ATF7IP: variants seen among roughly 807,000 people sequenced by gnomAD.
ATF7IP encodes activating transcription factor 7 interacting protein.
Under a neutral mutation model 106.4 loss-of-function variants are expected in ATF7IP, and 23 were observed. The observed-to-expected ratio is 0.22, with a 90% CI of 0.16 to 0.31. The LOEUF (loss-of-function observed/expected upper bound fraction) is 0.31. Among genes scored for constraint, ATF7IP ranks in the 10% least tolerant of loss-of-function variants. ATF7IP has a pLI of 1.00. For synonymous variants in ATF7IP, 542 were observed against 539.0 expected (o/e 1.01, Z -0.08); for missense variants, 1,334 against 1,524.3 (o/e 0.88, Z 2.08).
At chr12:14,423,461 A>C in intron 1 of ATF7IP, among the ~76,000 whole-genome samples, 1 of 150,976 alleles carries the variant, frequency 6.6e-6, no homozygotes, top group Non-Finnish European at 1.5e-5. Flanking sequence ...TGCAAATGTA[A>C]TCTTTCCTTA....
Position 14,460,607 on chromosome 12 carries a change from T to C in ATF7IP, c.2271T>C (p.Asn757=). The change falls in exon 9 of 15, where the codon AAT becomes AAC. Residue 757 remains asparagine, a synonymous_variant. Transcript: ENST00000261168. ...LTATSVLPAP[N]TATVVATTQV... ...CAACGTCAGTTCTTCCTGCACCCAA[T>C]ACAGCTACTGTAGTTGCTACTACTC... 3.7e-6 allele frequency: 6 copies of C among 1,614,178 alleles called. No individual in the cohort carries two copies. The highest frequency in any genetic ancestry group is 5.1e-6 in the Non-Finnish European group (6 of 1,180,016).
chr12:14,369,340 A>G (rs1049152415), intron 1 of ATF7IP: 2 of 151,916 alleles, frequency 1.3e-5, no homozygotes, highest in Non-Finnish European at 2.9e-5. Flanking sequence ...TTGTATGTTT[A>G]TATTGTATTT....
chr12:14,411,559 A>G (rs1460142031), intron 1 of ATF7IP, among the ~76,000 whole-genome samples: 2 of 152,084 alleles, frequency 1.3e-5, no homozygotes, highest in African/African-American at 4.8e-5. Context: ...AAAAACAGAA[A>G]AAGAAAAAAA....
At chr12:14,432,453 A>G (rs1942188268) in intron 2 of ATF7IP, among the ~76,000 whole-genome samples, 1 of 152,214 alleles carries the variant, frequency 6.6e-6, no homozygotes, top group South Asian at 2.1e-4. Context: ...AGGTTGAGAG[A>G]TGAGGTCTTA....
chr12:14,486,220 G>C (rs892659996), intron 13 of ATF7IP, among the ~76,000 whole-genome samples: 10 of 152,166 alleles, frequency 6.6e-5, no homozygotes, highest in African/African-American at 2.4e-4. Context: ...TTAATTATCT[G>C]ACCTCCATAA....
At chr12:14,479,323 C>T (rs7307092) in intron 12 of ATF7IP, among the ~76,000 whole-genome samples, 46,505 of 152,038 alleles carry the variant, frequency 0.31, 8,271 homozygotes, top group Admixed American at 0.45. Flanking sequence ...CACCAGGAAT[C>T]ATATGCTTGC....
rs368304978 is a variant in ATF7IP, at chr12:14,379,989, T to TTG, written c.-8+14177_-8+14178dup. 1.6e-3 allele frequency among the ~76,000 whole-genome samples: 240 copies of TTG among 151,610 alleles called. 1 individual carries two copies. Among genetic ancestry groups the TTG allele is most frequent in the East Asian group, 7.2e-3 (37 of 5,166 alleles). Reference sequence around the variant, plus strand: ...TTAAATGATTTCATTGGTGATGTATTTGTGTGTGTGTGTGTGATTCCAATT... The same window carrying TTG: ...TTAAATGATTTCATTGGTGATGTATTTGTGTGTGTGTGTGTGTGATTCCAATT... On this transcript the variant is annotated intron_variant, in intron 1 of 14. Transcript: ENST00000261168.
At position 14,467,388 on chromosome 12, in the gene ATF7IP, G is replaced by A. The variant is rs1253296501; in HGVS notation, c.2862+798G>A. On this transcript the variant is annotated intron_variant, in intron 10 of 14. Coordinates refer to ENST00000261168, the MANE Select transcript of ATF7IP (RefSeq NM_018179.5). ...ACGATGGATTTTGACCAACCTAGAT[G>A]TACACCATAGTTTATAGATCAAATA... 2.0e-5 allele frequency among the ~76,000 whole-genome samples: 3 copies of A among 152,060 alleles called. No homozygotes were observed. In the East Asian group the frequency reaches 5.8e-4, roughly 29 times the overall value.
intron 1 of ATF7IP, chr12:14,369,345 G>GTATTT (rs1241947159): frequency 6.6e-6 from 1 of 151,960 alleles, no homozygotes; most frequent in Non-Finnish European, 1.5e-5. Context: ...TGTTTATATT[G>GTATTT]TATTTTATTT....
At chr12:14,478,515 G>A (rs1204771674) in intron 12 of ATF7IP, 43 bp downstream of exon 12, 2 of 1,605,556 alleles carry the variant, frequency 1.2e-6, no homozygotes, top group Non-Finnish European at 1.7e-6. Flanking sequence ...GGTTTTGCCT[G>A]TAGAGAACTA....
intron 1 of ATF7IP, chr12:14,419,947 C>T (rs765695415): frequency 9.9e-5 from 15 of 152,156 alleles, no homozygotes; most frequent in Non-Finnish European, 1.9e-4. Context: ...GTATCACAGT[C>T]TAGAAATTCT....
chr12:14,487,004 C>A (rs1429037618), intron 13 of ATF7IP, among the ~76,000 whole-genome samples: 1 of 152,178 alleles, frequency 6.6e-6, no homozygotes, highest in Admixed American at 6.5e-5. Context: ...ATCCCAATCT[C>A]CTTAGTCTTT....
intron 5 of ATF7IP, among the ~76,000 whole-genome samples, chr12:14,445,873 T>C (rs1942932427): frequency 6.6e-6 from 1 of 152,224 alleles, no homozygotes; most frequent in Non-Finnish European, 1.5e-5. Flanking sequence ...CTTGAAAATA[T>C]GTTTAATTTA....
intron 6 of ATF7IP, among the ~76,000 whole-genome samples, chr12:14,451,321 C>G (rs1001055394): frequency 8.6e-5 from 13 of 151,732 alleles, no homozygotes; most frequent in Non-Finnish European, 1.5e-5. Context: ...ATCAATTTTG[C>G]TGATTTTTTT....
intron 13 of ATF7IP, among the ~76,000 whole-genome samples, chr12:14,495,383 A>G (rs770904526): frequency 1.1e-4 from 17 of 152,360 alleles, no homozygotes; most frequent in Non-Finnish European, 2.2e-4. Context: ...GCTATCATTT[A>G]GAAAATAAAC....
intron 1 of ATF7IP, among the ~76,000 whole-genome samples, chr12:14,397,033 A>G (rs1183157279): frequency 2.0e-5 from 3 of 152,124 alleles, no homozygotes; most frequent in African/African-American, 4.8e-5. Flanking sequence ...GTGGTGGCGC[A>G]CGCCTGTCAT....
intron 1 of ATF7IP, among the ~76,000 whole-genome samples, chr12:14,396,419 G>A (rs1023024975): frequency 9.2e-5 from 14 of 151,852 alleles, no homozygotes; most frequent in Non-Finnish European, 1.9e-4. Context: ...GTTGCCTTTT[G>A]ACAGTGTTGC....
chr12:14,483,639 C>T (rs935485603), intron 13 of ATF7IP, among the ~76,000 whole-genome samples: 1 of 152,086 alleles, frequency 6.6e-6, no homozygotes, highest in African/African-American at 2.4e-5. Flanking sequence ...ACTTCCACCC[C>T]CTGATTCCTG....
Position 14,424,598 on chromosome 12 carries a change from A to T in ATF7IP, c.683A>T (p.Asp228Val). ...EPISGDCAAD[D>V]IASSEITSVD... ...ATTTCTGGTGATTGTGCCGCTGATG[A>T]TATAGCCTCTAGTGAAATAACTTCT... Residue 228 changes from aspartate (D) to valine (V), a missense_variant, in exon 2 of 15, where the codon GAT (aspartate) becomes GTT (valine). Around this residue, in one of 10 missense-constraint regions of ATF7IP, gnomAD observed 438 missense variants for 405.3 expected, o/e 1.08. Coordinates refer to ENST00000261168, the MANE Select transcript of ATF7IP (RefSeq NM_018179.5). 6.2e-7 allele frequency: 1 copy of T among 1,613,988 alleles called. No individual in the cohort carries two copies. The highest frequency in any genetic ancestry group is 2.2e-5 in the East Asian group (1 of 44,852).
Sources: gnomAD v4.1 joint callset for allele counts (sites outside exome capture counted in the v4.1 genomes callset) on GRCh38, gnomAD v4.1.1 for gene constraint, gnomAD v4.1.1 regional missense constraint, MANE v1.5 for transcripts, NCBI Gene and HGNC (gene_info 2026-07-23, HGNC 2026-07-21) for gene names.